CNTLN: variants seen among roughly 807,000 people sequenced by gnomAD.
CNTLN encodes the protein centlein, centrosomal protein.
CNTLN carries 212 observed loss-of-function variants against 180.0 expected under a neutral mutation model. The observed-to-expected ratio is 1.18, with a 90% confidence interval of 1.05 to 1.32. The LOEUF is 1.32. Among genes scored for constraint, CNTLN ranks in the 40% most tolerant of loss-of-function variants. CNTLN has a pLI of 0.00. For synonymous variants in CNTLN, 722 were observed against 563.1 expected, an observed-to-expected ratio of 1.28 and a Z score of -3.99; for missense variants, 2,095 against 1,610.9, an observed-to-expected ratio of 1.30 and a Z score of -5.14.
At chr9:17,317,411 A>G (rs1819607243) in intron 8 of CNTLN, among the ~76,000 whole-genome samples, 1 of 152,210 alleles carries the variant, frequency 6.6e-6, no homozygotes, top group Non-Finnish European at 1.5e-5. Flanking sequence ...CTCTCCATCA[A>G]TTAATATATC....
chr9:17,323,392 AT>A (rs1310689990), intron 8 of CNTLN, among the ~76,000 whole-genome samples: 3 of 152,170 alleles, frequency 2.0e-5, no homozygotes, highest in Non-Finnish European at 4.4e-5. Flanking sequence ...TGTGTAGAAC[AT>A]TAGCCATGGC....
At chr9:17,484,825 A>G (rs1213283458) in intron 24 of CNTLN, among the ~76,000 whole-genome samples, 1 of 152,148 alleles carries the variant, frequency 6.6e-6, no homozygotes, top group African/African-American at 2.4e-5. Flanking sequence ...GGATTTAGTT[A>G]AGCTGATCTC....
chr9:17,377,685 T>C (rs961515506), intron 13 of CNTLN, among the ~76,000 whole-genome samples: 1 of 152,216 alleles, frequency 6.6e-6, no homozygotes, highest in Non-Finnish European at 1.5e-5. Context: ...GGTATAATTT[T>C]ATTGGGTTAC....
At chr9:17,340,770 A>G in intron 10 of CNTLN, 57 bp from the exon 11 acceptor site, 3 of 1,437,142 alleles carry the variant, frequency 2.1e-6, no homozygotes, top group Non-Finnish European at 2.8e-6. Context: ...TTTATTTGAA[A>G]CATTATATTA....
chr9:17,439,189 A>T (rs917476417), intron 18 of CNTLN, among the ~76,000 whole-genome samples: 4 of 152,186 alleles, frequency 2.6e-5, no homozygotes, highest in African/African-American at 9.6e-5. Flanking sequence ...TAAATAATTC[A>T]TGTATTGATA....
chr9:17,465,626 A>G (rs1249039203), intron 21 of CNTLN, among the ~76,000 whole-genome samples: 1 of 151,062 alleles, frequency 6.6e-6, no homozygotes, highest in African/African-American at 2.4e-5. Flanking sequence ...ATACAATGGA[A>G]AGTTACCTTT....
intron 2 of CNTLN, among the ~76,000 whole-genome samples, chr9:17,175,610 T>A (rs1450918527): frequency 6.6e-6 from 1 of 152,160 alleles, no homozygotes; most frequent in African/African-American, 2.4e-5. Context: ...TTTTCAAAAT[T>A]GTTTTAGATA....
At chr9:17,150,331 G>A (rs1818770415) in intron 2 of CNTLN, among the ~76,000 whole-genome samples, 1 of 152,170 alleles carries the variant, frequency 6.6e-6, no homozygotes, top group Admixed American at 6.5e-5. Context: ...TTTTGTAAAA[G>A]GTGTAAGTGA....
intron 2 of CNTLN, among the ~76,000 whole-genome samples, chr9:17,162,385 A>T (rs1467646675): frequency 6.6e-6 from 1 of 152,182 alleles, no homozygotes; most frequent in Non-Finnish European, 1.5e-5. Context: ...AAGTGCTGGG[A>T]TTACAGGCGT....
intron 11 of CNTLN, among the ~76,000 whole-genome samples, chr9:17,341,645 T>A (rs115151835): frequency 1.3e-5 from 2 of 152,204 alleles, no homozygotes; most frequent in African/African-American, 4.8e-5. Flanking sequence ...GTCTGTTCTG[T>A]AGAGAAATAC....
chr9:17,164,702 C>T (rs1269071800), intron 2 of CNTLN, among the ~76,000 whole-genome samples: 1 of 151,770 alleles, frequency 6.6e-6, no homozygotes, highest in Admixed American at 6.6e-5. Flanking sequence ...CTGCCTTAGC[C>T]TCCCAAAGTG....
At chr9:17,382,492 C>G (rs1166436812) in intron 13 of CNTLN, among the ~76,000 whole-genome samples, 1 of 152,134 alleles carries the variant, frequency 6.6e-6, no homozygotes, top group Non-Finnish European at 1.5e-5. Flanking sequence ...AAGGCAAAAA[C>G]TTTTCAACAT....
At chr9:17,309,578 T>C (rs1818982173) in intron 8 of CNTLN, among the ~76,000 whole-genome samples, 1 of 53,748 alleles carries the variant, frequency 1.9e-5, no homozygotes, top group Non-Finnish European at 5.8e-5. Context: ...GCTAATGGAA[T>C]AGAAAGTATC....
At chr9:17,206,715 A>G (rs1289176598) in intron 2 of CNTLN, among the ~76,000 whole-genome samples, 2 of 152,196 alleles carry the variant, frequency 1.3e-5, no homozygotes, top group Non-Finnish European at 2.9e-5. Flanking sequence ...TCAATTGACC[A>G]CAAACAGTGG....
chr9:17,288,960 C>G (rs1829179193), intron 6 of CNTLN, among the ~76,000 whole-genome samples: 1 of 116,436 alleles, frequency 8.6e-6, no homozygotes, highest in African/African-American at 3.9e-5. Context: ...GACTCTTTAT[C>G]CAATTTGCCA....
intron 2 of CNTLN, among the ~76,000 whole-genome samples, chr9:17,213,555 G>T (rs888044916): frequency 6.6e-6 from 1 of 152,228 alleles, no homozygotes; most frequent in Admixed American, 6.5e-5. Flanking sequence ...GAAGAGTTCT[G>T]TAGATGTCTC....
intron 25 of CNTLN, among the ~76,000 whole-genome samples, chr9:17,496,048 C>A (rs1042849999): frequency 6.6e-6 from 1 of 152,126 alleles, no homozygotes; most frequent in African/African-American, 2.4e-5. Context: ...AAATGCATCC[C>A]TATTGCTAAG....
chr9:17,516,745 T>A, the CNTLN span, among the ~76,000 whole-genome samples: 2 of 151,920 alleles, frequency 1.3e-5, no homozygotes, highest in Non-Finnish European at 2.9e-5. Flanking sequence ...GGTCAGAGAG[T>A]GGCCTTTCCA....
intron 2 of CNTLN, among the ~76,000 whole-genome samples, chr9:17,213,968 T>C (rs976021854): frequency 6.6e-6 from 1 of 152,224 alleles, no homozygotes; most frequent in Non-Finnish European, 1.5e-5. Context: ...GATATGGGTC[T>C]TCTGAATACA....
Sources: allele counts gnomAD v4.1 joint callset (sites outside exome capture counted in the v4.1 genomes callset), GRCh38; gene constraint gnomAD v4.1.1; transcripts MANE v1.5; gene names NCBI Gene and HGNC (gene_info 2026-07-23, HGNC 2026-07-21).